PXYLP1: variants seen among roughly 807,000 people sequenced by gnomAD.
The protein encoded by PXYLP1 is acid phosphatase-like 2.
Under a neutral mutation model 37.9 loss-of-function variants are expected in PXYLP1, and 17 were observed. The observed-to-expected ratio is 0.45, with a 90% confidence interval of 0.31 to 0.67. PXYLP1 has a LOEUF of 0.67. Among genes scored for constraint, PXYLP1 ranks in the 30% least tolerant of loss-of-function variants. The pLI, the probability that PXYLP1 is intolerant of heterozygous loss-of-function variation, is 0.07. For missense variants in PXYLP1, 511 were observed against 612.0 expected (o/e 0.84, Z 1.74); for synonymous variants, 221 against 232.2 (o/e 0.95, Z 0.44).
intron 2 of PXYLP1, among the ~76,000 whole-genome samples, chr3:141,269,738 A>G (rs1576594499): frequency 6.6e-6 from 1 of 152,210 alleles, no homozygotes; most frequent in Non-Finnish European, 1.5e-5. Flanking sequence ...TTAAGGAGAC[A>G]GGTTCTTTTC....
intron 1 of PXYLP1, among the ~76,000 whole-genome samples, chr3:141,250,012 GA>G (rs912065978): frequency 1.8e-4 from 27 of 147,252 alleles, no homozygotes; most frequent in East Asian, 5.9e-4. Flanking sequence ...GTTCACAAAG[GA>G]AAAAAAAAAG....
intron 1 of PXYLP1, among the ~76,000 whole-genome samples, chr3:141,237,001 T>TA (rs1360986877): frequency 1.3e-5 from 2 of 152,208 alleles, no homozygotes; most frequent in East Asian, 3.8e-4. Flanking sequence ...CCTTACTATA[T>TA]AAAAAAGCAA....
chr3:141,262,555 C>G (rs1941416043), intron 2 of PXYLP1: 2 of 1,188,166 alleles, frequency 1.7e-6, no homozygotes, highest in Admixed American at 3.0e-5. Flanking sequence ...GCTTATATAA[C>G]TCTTCTGAAA....
At chr3:141,235,139 A>T (rs1940627967) in intron 1 of PXYLP1, 1 of 152,214 alleles carries the variant, frequency 6.6e-6, no homozygotes. Context: ...ATTCCAGTGT[A>T]GGGGTTACCA....
intron 1 of PXYLP1, among the ~76,000 whole-genome samples, chr3:141,246,478 T>C (rs1940941118): frequency 6.6e-6 from 1 of 152,102 alleles, no homozygotes; most frequent in African/African-American, 2.4e-5. Context: ...TATGAGAAAG[T>C]GATCTTTGAG....
chr3:141,234,170 G>A (rs1176566190), intron 1 of PXYLP1: 1 of 150,890 alleles, frequency 6.6e-6, no homozygotes, highest in Non-Finnish European at 1.5e-5. Context: ...TTTTTAATGT[G>A]TCATATCACC....
At chr3:141,274,403 T>C (rs1290655702) in intron 2 of PXYLP1, 18 of 1,451,180 alleles carry the variant, frequency 1.2e-5, no homozygotes, top group Non-Finnish European at 1.6e-5. Flanking sequence ...CCATCTGCCA[T>C]GTTTGGCTGT....
intron 1 of PXYLP1, among the ~76,000 whole-genome samples, chr3:141,257,060 A>G (rs549196829): frequency 1.3e-5 from 2 of 152,388 alleles, no homozygotes; most frequent in African/African-American, 4.8e-5. Flanking sequence ...AGCACTCCGC[A>G]TATTAAAGAA....
At chr3:141,249,724 G>C (rs1941098683) in intron 1 of PXYLP1, among the ~76,000 whole-genome samples, 1 of 152,098 alleles carries the variant, frequency 6.6e-6, no homozygotes, top group African/African-American at 2.4e-5. Context: ...GGTACTTATA[G>C]CTTCTCGACA....
At chr3:141,244,463 C>G (rs368196955) in intron 1 of PXYLP1, among the ~76,000 whole-genome samples, 1 of 151,794 alleles carries the variant, frequency 6.6e-6, no homozygotes, top group African/African-American at 2.4e-5. Flanking sequence ...CAATAGAGAT[C>G]ACACTGTTAA....
rs115605021 is a variant in PXYLP1, at chr3:141,242,031, A to T, written c.-54+10120A>T. Among the ~76,000 whole-genome samples, 432 of 152,362 alleles carry T rather than the reference A, an allele frequency of 2.8e-3. 2 individuals carry two copies. The highest frequency in any genetic ancestry group is 0.01 in the African/African-American group (417 of 41,586). On this transcript the variant is annotated intron_variant, in intron 1 of 5. Coordinates refer to ENST00000286353, the MANE Select transcript of PXYLP1 (RefSeq NM_001037172.3). ...TGAAGAAAGCTGAAGCTGTCATTAC[A>T]TATCAAGATACTTGCCAGGGAGATT...
chr3:141,293,210 T>TATGC lies in PXYLP1; in HGVS notation c.*7_*10dup. On this transcript the variant is annotated 3_prime_UTR_variant, in exon 6 of 6. Coordinates refer to ENST00000286353, the MANE Select transcript of PXYLP1 (RefSeq NM_001037172.3). ...TGTCACAGGGAAGGATTCTAAAAGG[T>TATGC]ATGCAGTACAGCAGTATAGAATCCA... The TATGC allele has an allele frequency of 6.2e-7, 1 of 1,610,438 alleles. No individual in the cohort carries two copies. The highest frequency in any genetic ancestry group is 8.5e-7 in the Non-Finnish European group (1 of 1,178,124).
In PXYLP1 at chr3:141,294,040, A is replaced by G. The variant is rs1331554299; in HGVS notation, c.*835A>G. Reference sequence around the variant, plus strand: ...AATTAGAATGAATCATAGAAAACTGATTAGAAGAATACTTGATGTTTATGA... The same window carrying G: ...AATTAGAATGAATCATAGAAAACTGGTTAGAAGAATACTTGATGTTTATGA... On this transcript the variant is annotated 3_prime_UTR_variant, in exon 6 of 6. Transcript: ENST00000286353. The G allele has an allele frequency of 6.6e-6, 1 of 152,256 alleles. No individual in the cohort carries two copies. Among genetic ancestry groups the G allele is most frequent in the African/African-American group, 2.4e-5 (1 of 41,466 alleles). The allele number at this position is 152,256 out of a possible 1,614,324, so 9.4% of individuals were successfully genotyped here.
chr3:141,289,724 G>C (rs1426601018), intron 5 of PXYLP1, among the ~76,000 whole-genome samples: 1 of 152,130 alleles, frequency 6.6e-6, no homozygotes, highest in Non-Finnish European at 1.5e-5. Context: ...CACACACACA[G>C]ATGAACTTGC....
At chr3:141,253,148 G>T (rs536368178) in intron 1 of PXYLP1, among the ~76,000 whole-genome samples, 34 of 152,270 alleles carry the variant, frequency 2.2e-4, no homozygotes, top group Non-Finnish European at 4.1e-4. Context: ...GTGCCCAGAG[G>T]GCACTCCAGG....
At chr3:141,233,041 G>GGTGTGAAGCTGGCAGTGC (rs67576841) in intron 1 of PXYLP1, among the ~76,000 whole-genome samples, 79,151 of 151,326 alleles carry the variant, frequency 0.52, 21,925 homozygotes, top group South Asian at 0.7. Flanking sequence ...AAGGCCCGTG[G>GGTGTGAAGCTGGCAGTGC]GTGTGAAGCT....
At chr3:141,250,392 A>G (rs966965593) in intron 1 of PXYLP1, among the ~76,000 whole-genome samples, 1 of 152,242 alleles carries the variant, frequency 6.6e-6, no homozygotes, top group African/African-American at 2.4e-5. Flanking sequence ...AGTTGTCACA[A>G]ACATCCCCTT....
At chr3:141,281,008 T>G (rs1941941307) in intron 4 of PXYLP1, among the ~76,000 whole-genome samples, 1 of 152,246 alleles carries the variant, frequency 6.6e-6, no homozygotes, top group Non-Finnish European at 1.5e-5. Context: ...AAGGTGCTAT[T>G]TTAACCCTCA....
intron 2 of PXYLP1, among the ~76,000 whole-genome samples, chr3:141,269,971 G>A (rs555201869): frequency 2.2e-4 from 34 of 152,364 alleles, no homozygotes; most frequent in Middle Eastern, 3.4e-3. Flanking sequence ...CCATGCCCAA[G>A]CAATGGGTGG....
Sources: gnomAD v4.1 joint callset for allele counts (sites outside exome capture counted in the v4.1 genomes callset) on GRCh38, gnomAD v4.1.1 for gene constraint, MANE v1.5 for transcripts, NCBI Gene and HGNC (gene_info 2026-07-23, HGNC 2026-07-21) for gene names.